TRIP11: variants seen among roughly 807,000 people sequenced by gnomAD.
TRIP11 encodes thyroid hormone receptor interactor 11.
TRIP11 carries 148 observed loss-of-function variants against 223.1 expected under a neutral mutation model. The ratio of observed to expected loss-of-function variants is 0.66; its 90% confidence interval spans 0.58 to 0.76. The LOEUF is 0.76. Among genes scored for constraint, TRIP11 ranks in the 30% least tolerant of loss-of-function variants. The pLI is 0.00. For missense variants in TRIP11, 2,043 were observed against 2,222.0 expected (o/e 0.92, Z 1.62); for synonymous variants, 762 against 772.6 (o/e 0.99, Z 0.23).
chr14:91,994,033 T>C (rs2056715867), intron 14 of TRIP11, 121 bp from the exon 15 acceptor site: 2 of 737,714 alleles, frequency 2.7e-6, no homozygotes, highest in Non-Finnish European at 4.7e-6. Flanking sequence ...CAGAAAAGAA[T>C]ATATGCCTTA....
In TRIP11 at chr14:91,993,578, CA is replaced by C. The variant is rs11285699; in HGVS notation, c.5160+230del. Among the ~76,000 whole-genome samples, 78,480 of 151,340 alleles carry C rather than the reference CA, an allele frequency of 0.52. 21,500 individuals are homozygous for C. The highest frequency in any genetic ancestry group is 0.7 in the African/African-American group (28,752 of 41,246). Reference sequence around the variant, plus strand: ...AGACCTCTAAAATACCTCTATGTGCCAAAAAAATTTAAATGTCCTGTCATCT... The same window carrying C: ...AGACCTCTAAAATACCTCTATGTGCCAAAAAATTTAAATGTCCTGTCATCT... On this transcript the variant is annotated intron_variant, in intron 15 of 20. Transcript: ENST00000267622.
intron 18 of TRIP11, 39 bp from the exon 19 acceptor site, chr14:91,974,782 C>T: frequency 7.5e-7 from 1 of 1,335,472 alleles, no homozygotes; most frequent in Non-Finnish European, 1.0e-6. Flanking sequence ...ATTATCAGTA[C>T]AAGAAAAAAA....
intron 15 of TRIP11, among the ~76,000 whole-genome samples, chr14:91,990,934 T>G (rs1319079594): frequency 6.6e-6 from 1 of 152,222 alleles, no homozygotes; most frequent in Non-Finnish European, 1.5e-5. Context: ...ATTAATGAGC[T>G]GACAAGAAAG....
Position 92,005,419 on chromosome 14 carries a change from G to C in TRIP11, c.2557C>G (p.Arg853Gly). Residue 853 changes from arginine (R) to glycine (G), a missense_variant, in exon 11 of 21, where the codon CGA becomes GGA. By Grantham distance (125) the Arg-to-Gly change is moderately radical (BLOSUM62 -2). Coordinates refer to ENST00000267622, the MANE Select transcript of TRIP11 (RefSeq NM_004239.4). ...TCCTCTTTCATGGATCCAAGACTTC[G>C]GTCTTTTTCCTCTATGGTCTGTCTT... ...ILRQTIEEKD[R>G]SLGSMKEENN... is the part of the protein sequence containing the mutation. 1 of 1,613,836 alleles carries C rather than the reference G, an allele frequency of 6.2e-7. No homozygotes were observed.
intron 6 of TRIP11, among the ~76,000 whole-genome samples, chr14:92,014,970 C>T (rs916458086): frequency 4.0e-5 from 6 of 149,012 alleles, no homozygotes; most frequent in Non-Finnish European, 7.4e-5. Context: ...GTGGTGCCAT[C>T]TCGGCTCACT....
chr14:92,004,170 C>T lies in TRIP11; in HGVS notation c.3806G>A (p.Gly1269Asp), dbSNP rs2056866446. The change falls in exon 11 of 21, where the codon GGC (glycine) becomes GAC (aspartate). Residue 1269 changes from glycine (G) to aspartate (D), a missense_variant. Transcript: ENST00000267622. The part of the protein sequence containing the change: ...NNSKLQVDYT[G>D]LIQSYEQNET... ...ATTCTGCTCATAACTTTGGATCAGGCCAGTATAGTCCACTTGTAATTTAGA... is the reference window on the plus strand; with the variant it reads ...ATTCTGCTCATAACTTTGGATCAGGTCAGTATAGTCCACTTGTAATTTAGA... 6.2e-7 allele frequency: 1 copy of T among 1,614,168 alleles called. No homozygotes were observed. Among genetic ancestry groups the T allele is most frequent in the African/African-American group, 1.3e-5 (1 of 75,026 alleles).
chr14:92,002,306 T>A (rs1366649619), intron 11 of TRIP11, among the ~76,000 whole-genome samples: 1 of 152,184 alleles, frequency 6.6e-6, no homozygotes, highest in African/African-American at 2.4e-5. Flanking sequence ...ACTATCCATA[T>A]AACTGCTATG....
At position 91,967,420 on chromosome 14, in the gene TRIP11, T is replaced by G. The variant is rs2056352463; in HGVS notation, c.*2253A>C. The stretch of plus-strand genomic sequence containing the variant: ...TCCCAAAGTTCTGGGATTACAGGCG[T>G]GAGCCACTGTGCCCGGCCAGTATTA... On this transcript the variant is annotated 3_prime_UTR_variant, in exon 21 of 21. Coordinates refer to ENST00000267622, the MANE Select transcript of TRIP11 (RefSeq NM_004239.4). 1 of 182,536 alleles carries G rather than the reference T, an allele frequency of 5.5e-6. No individual in the cohort carries two copies. Among genetic ancestry groups the G allele is most frequent in the Non-Finnish European group, 1.2e-5 (1 of 85,856 alleles). The allele number at this position is 182,536 out of a possible 1,614,324, so 11.3% of individuals were successfully genotyped here. A position where few individuals can be genotyped will look rare whatever the true frequency, so the allele number is the denominator to read the frequency against.
In TRIP11 at chr14:91,966,723, A is replaced by G. The variant is rs375445722; in HGVS notation, c.*2950T>C. The stretch of plus-strand genomic sequence containing the variant: ...TAAAAATCAAAAATGACAGGAATGA[A>G]AATTCAAACAATTTGATCCAGTATT... On this transcript the variant is annotated 3_prime_UTR_variant, in exon 21 of 21. Coordinates refer to ENST00000267622, the MANE Select transcript of TRIP11 (RefSeq NM_004239.4). 5.2e-5 allele frequency: 11 copies of G among 212,004 alleles called. No homozygotes were observed. The East Asian group carries it at 7.1e-4, about 14-fold the overall frequency. The allele number at this position is 212,004 out of a possible 1,614,324, so 13.1% of individuals were successfully genotyped here.
At chr14:92,021,915 A>G (rs1300639550) in intron 3 of TRIP11, 84 bp from the exon 4 acceptor site, 9 of 1,441,660 alleles carry the variant, frequency 6.2e-6, no homozygotes, top group African/African-American at 1.4e-5. Flanking sequence ...AAAAGACACA[A>G]TACAATAATT....
Position 91,974,728 on chromosome 14 carries a change from G to T in TRIP11, c.5473C>A (p.Gln1825Lys). The T allele has an allele frequency of 6.2e-7, 1 of 1,611,642 alleles. No individual in the cohort carries two copies. Among genetic ancestry groups the T allele is most frequent in the Non-Finnish European group, 8.5e-7 (1 of 1,179,036 alleles). Residue 1825 changes from glutamine (Q) to lysine (K), a missense_variant, in exon 19 of 21, where the codon CAG becomes AAG. Physicochemically the swap from Gln to Lys is moderately conservative, Grantham distance 53. Coordinates refer to ENST00000267622, the MANE Select transcript of TRIP11 (RefSeq NM_004239.4). ...EEMEQLFHDD[Q>K]GGVTRWMTGW... ...GTCATCCACCTGGTAACACCGCCCT[G>T]ATCGTCATGAAACAACTGAAAGATT... is the stretch of plus-strand genomic sequence containing the variant.
At chr14:91,992,510 CACTT>C (rs148647226) in intron 15 of TRIP11, among the ~76,000 whole-genome samples, 2,009 of 152,170 alleles carry the variant, frequency 0.013, 30 homozygotes, top group African/African-American at 0.045. Flanking sequence ...AGTATATCTT[CACTT>C]ACTTGGGACG....
intron 16 of TRIP11, among the ~76,000 whole-genome samples, chr14:91,976,509 G>A (rs1009621394): frequency 2.0e-5 from 3 of 152,140 alleles, no homozygotes; most frequent in African/African-American, 7.2e-5. Context: ...TTTCATCACT[G>A]CCTCCTTGCA....
intron 2 of TRIP11, chr14:92,026,617 AAGG>A: frequency 1.6e-6 from 2 of 1,227,974 alleles, no homozygotes; most frequent in South Asian, 1.2e-5. Flanking sequence ...CAAGGACTTA[AAGG>A]AGAAGAAGGA....
rs766716502 is a variant in TRIP11, at chr14:92,021,882, TTGAC to T, written c.313-55_313-52del. On this transcript the variant is annotated intron_variant, in intron 3 of 20. Coordinates refer to ENST00000267622, the MANE Select transcript of TRIP11 (RefSeq NM_004239.4). ...GAGAAGGTACTTTAAAACAATCATA[TTGAC>T]TTTTTATAGATTTGTATTAAAAGAC... 17 of 1,587,116 alleles carry T rather than the reference TTGAC, an allele frequency of 1.1e-5. No homozygotes were observed. In the East Asian group the frequency reaches 1.1e-4, roughly 10 times the overall value.
chr14:91,981,323 T>C (rs144116218), intron 16 of TRIP11, among the ~76,000 whole-genome samples: 5 of 151,114 alleles, frequency 3.3e-5, no homozygotes, highest in African/African-American at 1.2e-4. Context: ...GCCCAAATAA[T>C]ATATTTTTAA....
chr14:92,003,519 T>A lies in TRIP11; in HGVS notation c.4457A>T (p.Asn1486Ile). ...ETEYQALQET[N>I]MKFSMMLREK... ...TCGCAGCATCATAGAAAACTTCATG[T>A]TAGTCTCTTGTAACGCTTGATATTC... Residue 1486 changes from asparagine to isoleucine, a missense_variant, in exon 11 of 21, where the codon AAC becomes ATC. Asn to Ile is a moderately radical substitution (Grantham distance 149). Coordinates refer to ENST00000267622, the MANE Select transcript of TRIP11 (RefSeq NM_004239.4). 6.2e-7 allele frequency: 1 copy of A among 1,614,162 alleles called. No homozygotes were observed. The highest frequency in any genetic ancestry group is 8.5e-7 in the Non-Finnish European group (1 of 1,180,020).
At chr14:92,020,662 T>TAAAAAAAA (rs776038130) in intron 4 of TRIP11, among the ~76,000 whole-genome samples, 1 of 138,296 alleles carries the variant, frequency 7.2e-6, no homozygotes, top group Non-Finnish European at 1.6e-5. Flanking sequence ...CATGTTTTAT[T>TAAAAAAAA]AAAAAAAAAA....
intron 9 of TRIP11, among the ~76,000 whole-genome samples, chr14:92,008,981 A>C (rs1338828367): frequency 6.6e-6 from 1 of 152,228 alleles, no homozygotes; most frequent in Non-Finnish European, 1.5e-5. Flanking sequence ...GAGTTGGTTG[A>C]AAAAACAGAG....
Sources: allele counts gnomAD v4.1 joint callset (sites outside exome capture counted in the v4.1 genomes callset), GRCh38; gene constraint gnomAD v4.1.1; transcripts MANE v1.5; gene names NCBI Gene and HGNC (gene_info 2026-07-23, HGNC 2026-07-21).